Variants in AFF2 observed in about 807,000 individuals in gnomAD.
The protein encoded by AFF2 is ALF transcription elongation factor 2.
Under a neutral mutation model 76.9 loss-of-function variants are expected in AFF2, and 14 were observed. The observed-to-expected ratio is 0.18, with a 90% CI of 0.12 to 0.28. The LOEUF is 0.28. Ranked by LOEUF, AFF2 falls within the 10% of genes least tolerant of loss-of-function variation. AFF2 has a pLI of 1.00. For missense variants in AFF2, 868 were observed against 1,001.1 expected (o/e 0.87, Z 1.79); for synonymous variants, 398 against 366.7 (o/e 1.09, Z -0.98).
intron 3 of AFF2, among the ~76,000 whole-genome samples, chrX:148,712,885 T>C (rs1377832969): frequency 1.8e-5 from 2 of 111,532 alleles, no homozygotes; most frequent in East Asian, 2.8e-4. Flanking sequence ...CAGAGAATAA[T>C]GAAAATAAGT....
intron 1 of AFF2, among the ~76,000 whole-genome samples, chrX:148,623,694 G>T (rs1444187378): frequency 9.2e-6 from 1 of 108,382 alleles, no homozygotes; most frequent in Non-Finnish European, 1.9e-5. Context: ...AAATATATAG[G>T]TAATAAAAAT....
chrX:148,548,999 G>A (rs1188857602), intron 1 of AFF2, among the ~76,000 whole-genome samples: 1 of 111,960 alleles, frequency 8.9e-6, no homozygotes, highest in Non-Finnish European at 1.9e-5. Flanking sequence ...TGATGTTTTT[G>A]TTTTAGTTAA....
At chrX:148,856,596 A>G (rs2070788508) in intron 7 of AFF2, among the ~76,000 whole-genome samples, 1 of 111,567 alleles carries the variant, frequency 9.0e-6, no homozygotes, top group Non-Finnish European at 1.9e-5. Flanking sequence ...AAATACAAGA[A>G]TACAAGAGGG....
At chrX:148,518,948 A>G (rs1488676260) in intron 1 of AFF2, among the ~76,000 whole-genome samples, 1 of 112,188 alleles carries the variant, frequency 8.9e-6, no homozygotes, top group Non-Finnish European at 1.9e-5. Context: ...ACAACAAACC[A>G]TGAAAACAGC....
intron 9 of AFF2, among the ~76,000 whole-genome samples, chrX:148,952,187 AG>A (rs2071976815): frequency 9.0e-6 from 1 of 111,316 alleles, no homozygotes; most frequent in South Asian, 3.8e-4. Flanking sequence ...GTGAGGGCAT[AG>A]GGTGGGGTCA....
At chrX:148,789,502 T>G (rs944866067) in intron 3 of AFF2, among the ~76,000 whole-genome samples, 3 of 111,689 alleles carry the variant, frequency 2.7e-5, no homozygotes, top group African/African-American at 9.8e-5. Context: ...GGACCCTTCA[T>G]TTCATAGTGA....
chrX:148,867,235 C>G (rs1376430228), intron 7 of AFF2, among the ~76,000 whole-genome samples: 1 of 112,401 alleles, frequency 8.9e-6, no homozygotes, highest in Non-Finnish European at 1.9e-5. Context: ...ACTGGCTGAA[C>G]GCATTCCCGT....
intron 7 of AFF2, among the ~76,000 whole-genome samples, chrX:148,859,825 AT>A (rs1424642179): frequency 8.1e-5 from 9 of 110,919 alleles, no homozygotes; most frequent in Middle Eastern, 4.6e-3. Flanking sequence ...TAATTGATTT[AT>A]TTTTTTATTA....
At chrX:148,643,168 A>G (rs989586586) in intron 1 of AFF2, among the ~76,000 whole-genome samples, 2 of 112,091 alleles carry the variant, frequency 1.8e-5, no homozygotes, top group Non-Finnish European at 3.8e-5. Context: ...GTTACCTCTG[A>G]TTGGCAATGG....
At chrX:148,564,511 G>T (rs1557241337) in intron 1 of AFF2, among the ~76,000 whole-genome samples, 1 of 104,419 alleles carries the variant, frequency 9.6e-6, no homozygotes, top group Non-Finnish European at 1.9e-5. Context: ...ATGCCATTTT[G>T]GAGGCGTTTT....
At chrX:148,813,403 ATTC>A (rs2070227507) in intron 4 of AFF2, among the ~76,000 whole-genome samples, 1 of 112,243 alleles carries the variant, frequency 8.9e-6, no homozygotes, top group South Asian at 3.7e-4. Flanking sequence ...TTAGAAATTA[ATTC>A]TTCTTTTTTG....
At chrX:148,565,517 A>G (rs946359681) in intron 1 of AFF2, among the ~76,000 whole-genome samples, 12 of 111,586 alleles carry the variant, frequency 1.1e-4, no homozygotes. Context: ...GTTCTCTGTT[A>G]TCTTTAGCTT....
chrX:148,691,725 G>A (rs2054653197), intron 3 of AFF2, among the ~76,000 whole-genome samples: 1 of 111,863 alleles, frequency 8.9e-6, no homozygotes, highest in Admixed American at 9.5e-5. Context: ...AAAGTGGTAT[G>A]TGATGAGACT....
At chrX:148,764,371 T>A (rs1329675662) in intron 3 of AFF2, among the ~76,000 whole-genome samples, 1 of 112,285 alleles carries the variant, frequency 8.9e-6, no homozygotes, top group Admixed American at 9.4e-5. Flanking sequence ...CTGGTTCTAA[T>A]TAGAATTAGC....
chrX:148,949,113 C>T lies in AFF2; in HGVS notation c.1398-4467C>T, dbSNP rs73640618. Reference sequence around the variant, plus strand: ...GAAAATTTTCAGTATATGTGCCTCTCCCCCCATCCCCAACCCAGAGTCTTC... The same window carrying T: ...GAAAATTTTCAGTATATGTGCCTCTTCCCCCATCCCCAACCCAGAGTCTTC... On this transcript the variant is annotated intron_variant, in intron 9 of 20. Coordinates refer to ENST00000370460, the MANE Select transcript of AFF2 (RefSeq NM_002025.4). Among the ~76,000 whole-genome samples the T allele has an allele frequency of 3.4e-3, 375 of 110,547 alleles. 1 individual carries two copies. Among genetic ancestry groups the T allele is most frequent in the African/African-American group, 0.012 (359 of 30,364 alleles).
intron 1 of AFF2, among the ~76,000 whole-genome samples, chrX:148,508,442 T>C (rs186110908): frequency 2.8e-4 from 31 of 111,523 alleles, no homozygotes; most frequent in Admixed American, 2.8e-3. Flanking sequence ...GCTTTAACAA[T>C]CATTGGAAGA....
Position 148,926,504 on chromosome X carries a change from C to T in AFF2, c.1397+22246C>T, listed in dbSNP as rs188359934. Among the ~76,000 whole-genome samples the T allele has an allele frequency of 2.1e-4, 23 of 111,822 alleles. No individual in the cohort carries two copies. In the East Asian group the frequency reaches 6.2e-3, roughly 30 times the overall value. On this transcript the variant is annotated intron_variant, in intron 9 of 20. Transcript: ENST00000370460. Reference sequence around the variant, plus strand: ...TTAGGAGGGAGAGTCTCCCTCCACTCTAGTCATTACTCTTGTTGGGGATCT... The same window carrying T: ...TTAGGAGGGAGAGTCTCCCTCCACTTTAGTCATTACTCTTGTTGGGGATCT...
chrX:148,510,882 G>C lies in AFF2; in HGVS notation c.47+9738G>C, dbSNP rs188634166. ...TAGACAAAAACCTGCTTAATACTTT[G>C]TGTGATTAAATTTGTGAAGAGATAG... On this transcript the variant is annotated intron_variant, in intron 1 of 20. Coordinates refer to ENST00000370460, the MANE Select transcript of AFF2 (RefSeq NM_002025.4). Among the ~76,000 whole-genome samples, 365 of 112,049 alleles carry C rather than the reference G, an allele frequency of 3.3e-3. 1 individual carries two copies. The highest frequency in any genetic ancestry group is 0.011 in the African/African-American group (332 of 30,880).
chrX:148,888,072 A>G (rs2071180493), intron 8 of AFF2, among the ~76,000 whole-genome samples: 1 of 112,173 alleles, frequency 8.9e-6, no homozygotes, highest in Admixed American at 9.4e-5. Context: ...ACCATTTTAA[A>G]GTGTTCAATT....
Sources: gnomAD v4.1 joint callset for allele counts (sites outside exome capture counted in the v4.1 genomes callset) on GRCh38, gnomAD v4.1.1 for gene constraint, MANE v1.5 for transcripts, NCBI Gene and HGNC (gene_info 2026-07-23, HGNC 2026-07-21) for gene names.